Variants in TTLL5 observed in about 807,000 individuals in gnomAD.
TTLL5 encodes the protein tubulin polyglutamylase TTLL5.
In TTLL5, 132 loss-of-function variants were observed where a neutral mutation model predicts 168.4. The observed-to-expected ratio is 0.78, with a 90% CI of 0.68 to 0.91. The LOEUF is 0.91. TTLL5 is among the 40% of genes least tolerant of loss of function. TTLL5 has a pLI of 0.00. For synonymous variants in TTLL5, 546 were observed against 558.6 expected, an observed-to-expected ratio of 0.98 and a Z score of 0.32; for missense variants, 1,545 against 1,581.5, an observed-to-expected ratio of 0.98 and a Z score of 0.39.
At chr14:75,865,971 G>A (rs1007357387) in intron 29 of TTLL5, among the ~76,000 whole-genome samples, 3 of 152,062 alleles carry the variant, frequency 2.0e-5, no homozygotes, top group South Asian at 2.1e-4. Context: ...CCAACACCCC[G>A]AACCCGTTCT....
intron 27 of TTLL5, among the ~76,000 whole-genome samples, chr14:75,796,223 A>G (rs1892988683): frequency 1.3e-5 from 2 of 152,170 alleles, no homozygotes; most frequent in South Asian, 4.1e-4. Context: ...GGATATTTGT[A>G]TATCTTCTTT....
chr14:75,680,907 G>A (rs775573552), intron 3 of TTLL5, among the ~76,000 whole-genome samples: 2 of 152,012 alleles, frequency 1.3e-5, no homozygotes, highest in African/African-American at 2.4e-5. Flanking sequence ...AGTTACAGGC[G>A]TGAGCCACCA....
At chr14:75,768,180 CA>C (rs768865051) in intron 20 of TTLL5, among the ~76,000 whole-genome samples, 28 of 152,254 alleles carry the variant, frequency 1.8e-4, no homozygotes, top group Admixed American at 1.6e-3. Context: ...TGGGGAATAC[CA>C]CTGTTCAATG....
chr14:75,663,658 G>C (rs1178070211), intron 2 of TTLL5, among the ~76,000 whole-genome samples: 1 of 152,202 alleles, frequency 6.6e-6, no homozygotes, highest in Non-Finnish European at 1.5e-5. Flanking sequence ...GAGAGGTCAG[G>C]TAACTTACCA....
chr14:75,716,424 G>A (rs1887467810), intron 9 of TTLL5, among the ~76,000 whole-genome samples: 2 of 151,856 alleles, frequency 1.3e-5, no homozygotes, highest in African/African-American at 4.8e-5. Context: ...TTTGGCTCTT[G>A]TATATTTCTG....
At chr14:75,831,076 A>C (rs1310706603) in intron 28 of TTLL5, among the ~76,000 whole-genome samples, 1 of 152,232 alleles carries the variant, frequency 6.6e-6, no homozygotes, top group Non-Finnish European at 1.5e-5. Flanking sequence ...AAAAGCTCAA[A>C]ACGAGCTTAC....
chr14:75,732,962 G>GA (rs1474124122), intron 13 of TTLL5, among the ~76,000 whole-genome samples: 2 of 152,076 alleles, frequency 1.3e-5, no homozygotes, highest in African/African-American at 4.8e-5. Flanking sequence ...CAATACCAGG[G>GA]AAAATTCTTA....
intron 8 of TTLL5, 68 bp downstream of exon 8, chr14:75,707,155 G>A: frequency 2.5e-6 from 3 of 1,202,328 alleles, no homozygotes; most frequent in South Asian, 2.4e-5. Flanking sequence ...GCTTTTCATA[G>A]CCTTCTCTAG....
intron 18 of TTLL5, among the ~76,000 whole-genome samples, chr14:75,760,162 C>T (rs1186839996): frequency 1.3e-5 from 2 of 151,750 alleles, no homozygotes; most frequent in South Asian, 4.2e-4. Flanking sequence ...GATACAAGAT[C>T]GACATACTAA....
intron 28 of TTLL5, among the ~76,000 whole-genome samples, chr14:75,842,239 TC>T (rs1896299110): frequency 6.6e-6 from 1 of 152,216 alleles, no homozygotes; most frequent in South Asian, 2.1e-4. Context: ...ATGCCCTTTT[TC>T]CACACCCTTG....
At chr14:75,941,013 A>T (rs944291950) in intron 31 of TTLL5, among the ~76,000 whole-genome samples, 2 of 152,258 alleles carry the variant, frequency 1.3e-5, no homozygotes, top group African/African-American at 4.8e-5. Flanking sequence ...ATCTTCCCCC[A>T]TAGATGGACA....
intron 18 of TTLL5, among the ~76,000 whole-genome samples, chr14:75,753,430 A>G (rs1890074826): frequency 6.6e-6 from 1 of 152,200 alleles, no homozygotes; most frequent in African/African-American, 2.4e-5. Context: ...GAAAACAGAC[A>G]TTGGAATTTA....
intron 2 of TTLL5, among the ~76,000 whole-genome samples, chr14:75,663,915 C>T (rs976522164): frequency 1.3e-5 from 2 of 152,018 alleles, no homozygotes; most frequent in Non-Finnish European, 2.9e-5. Flanking sequence ...GAAACCCCAT[C>T]TCTACTAAAA....
At chr14:75,851,581 C>T (rs2139891401) in intron 28 of TTLL5, among the ~76,000 whole-genome samples, 1 of 152,244 alleles carries the variant, frequency 6.6e-6, no homozygotes, top group African/African-American at 2.4e-5. Context: ...AGCCACTCTG[C>T]CCAGAATTAG....
chr14:75,661,965 G>A (rs1201100139), intron 1 of TTLL5, among the ~76,000 whole-genome samples: 1 of 152,132 alleles, frequency 6.6e-6, no homozygotes, highest in East Asian at 1.9e-4. Flanking sequence ...AGTAATTTGG[G>A]ATTATGGTCA....
intron 12 of TTLL5, among the ~76,000 whole-genome samples, chr14:75,731,148 T>C (rs948836056): frequency 2.6e-5 from 4 of 152,160 alleles, no homozygotes; most frequent in African/African-American, 9.7e-5. Context: ...AAATCCTTCT[T>C]GAAGCAAGGA....
chr14:75,710,687 A>G (rs779386353), intron 9 of TTLL5: 3 of 152,200 alleles, frequency 2.0e-5, no homozygotes. Context: ...TTGTGTCTTC[A>G]CTAATTATGT....
chr14:75,883,266 A>C (rs1003867477), intron 30 of TTLL5, among the ~76,000 whole-genome samples: 2 of 152,374 alleles, frequency 1.3e-5, no homozygotes, highest in Non-Finnish European at 2.9e-5. Context: ...CTTCATTGAC[A>C]TTAGTCACCA....
At chr14:75,848,767 T>C (rs1896689609) in intron 28 of TTLL5, among the ~76,000 whole-genome samples, 1 of 152,234 alleles carries the variant, frequency 6.6e-6, no homozygotes. Flanking sequence ...AGTCTCTATC[T>C]CCATAACCAG....
Sources: gnomAD v4.1 joint callset for allele counts (sites outside exome capture counted in the v4.1 genomes callset) on GRCh38, gnomAD v4.1.1 for gene constraint, MANE v1.5 for transcripts, NCBI Gene and HGNC (gene_info 2026-07-23, HGNC 2026-07-21) for gene names.